The following IGF1R variants were observed in gnomAD, a reference collection of about 807,000 sequenced individuals.
IGF1R encodes insulin like growth factor 1 receptor, also known as insulin-like growth factor 1 receptor.
IGF1R carries 44 observed loss-of-function variants against 144.6 expected under a neutral mutation model. The ratio of observed to expected loss-of-function variants is 0.30; its 90% CI spans 0.24 to 0.39. IGF1R has a LOEUF of 0.39. Among genes scored for constraint, IGF1R ranks in the 10% least tolerant of loss-of-function variants. The pLI is 1.00. For missense variants in IGF1R, 1,355 were observed against 1,833.7 expected (o/e 0.74, Z 4.77); for synonymous variants, 795 against 722.8 (o/e 1.10, Z -1.60).
Position 98,922,370 on chromosome 15 carries a change from C to T in IGF1R, c.2424C>T (p.His808=), listed in dbSNP as rs749095815. The T allele has an allele frequency of 2.8e-5, 45 of 1,614,050 alleles. No homozygotes were observed. Among genetic ancestry groups the T allele is most frequent in the African/African-American group, 4.0e-5 (3 of 74,942 alleles). Residue 808 remains histidine, a synonymous_variant, in exon 11 of 21, where the codon CAC becomes CAT. Transcript: ENST00000650285. ...LYRIDIHSCN[H]EAEKLGCSAS... is the part of the protein sequence containing the mutation. ...GCATCGATATCCACAGCTGCAACCA[C>T]GAGGCTGAGAAGCTGGGCTGCAGCG...
At chr15:98,732,478 C>T (rs1308799736) in intron 2 of IGF1R, among the ~76,000 whole-genome samples, 1 of 152,136 alleles carries the variant, frequency 6.6e-6, no homozygotes, top group Non-Finnish European at 1.5e-5. Flanking sequence ...TCTGTGTTTC[C>T]TGAAGGGTCT....
At position 98,896,917 on chromosome 15, in the gene IGF1R, A is replaced by T. The variant is rs376068692; in HGVS notation, c.1102+12A>T. The T allele has an allele frequency of 6.2e-7, 1 of 1,613,536 alleles. No individual in the cohort carries two copies. Among genetic ancestry groups the T allele is most frequent in the South Asian group, 1.1e-5 (1 of 91,076 alleles). On this transcript the variant is annotated intron_variant, in intron 4 of 20. Coordinates refer to ENST00000650285, the MANE Select transcript of IGF1R (RefSeq NM_000875.5). ...CATCCGACGGGGGAGTAAGTATTCC[A>T]TCCCCCTGGAAAAACGGCTAGATCT... is the stretch of plus-strand genomic sequence containing the variant.
chr15:98,863,656 G>A (rs1052441467), intron 2 of IGF1R, among the ~76,000 whole-genome samples: 5 of 152,216 alleles, frequency 3.3e-5, no homozygotes, highest in African/African-American at 1.2e-4. Flanking sequence ...AGAAGCTTAA[G>A]AAATCCCACA....
At chr15:98,763,166 A>G (rs1252879179) in intron 2 of IGF1R, among the ~76,000 whole-genome samples, 3 of 152,254 alleles carry the variant, frequency 2.0e-5, no homozygotes, top group African/African-American at 7.2e-5. Flanking sequence ...ACTTTGAGAG[A>G]AAATTAAAAC....
At chr15:98,716,921 A>G (rs1458233273) in intron 2 of IGF1R, among the ~76,000 whole-genome samples, 1 of 152,124 alleles carries the variant, frequency 6.6e-6, no homozygotes, top group Non-Finnish European at 1.5e-5. Flanking sequence ...TGTTCCTTAC[A>G]ATATTGTGGA....
chr15:98,733,256 C>T (rs1447743553), intron 2 of IGF1R, among the ~76,000 whole-genome samples: 3 of 152,118 alleles, frequency 2.0e-5, no homozygotes, highest in Non-Finnish European at 2.9e-5. Flanking sequence ...CTCTGTTGCC[C>T]AGGCTGGAGT....
At chr15:98,878,677 AAAAAAAAAAAAAAAAAAAC>A (rs2013192262) in intron 2 of IGF1R, among the ~76,000 whole-genome samples, 1 of 93,350 alleles carries the variant, frequency 1.1e-5, no homozygotes, top group African/African-American at 3.1e-5. Context: ...AAAAAAAAAA[AAAAAAAAAAAAAAAAAAAC>A]AACAACAAAA....
chr15:98,895,037 A>T (rs2151649330), intron 3 of IGF1R, among the ~76,000 whole-genome samples: 1 of 147,726 alleles, frequency 6.8e-6, no homozygotes, highest in South Asian at 2.2e-4. Context: ...AAAAAAAAAG[A>T]CAGATTGTAG....
chr15:98,827,714 C>T (rs905897658), intron 2 of IGF1R, among the ~76,000 whole-genome samples: 1 of 152,156 alleles, frequency 6.6e-6, no homozygotes, highest in African/African-American at 2.4e-5. Flanking sequence ...TCCTGAGTAG[C>T]TGGGATTACA....
At chr15:98,766,119 G>A (rs1014704898) in intron 2 of IGF1R, among the ~76,000 whole-genome samples, 1 of 152,192 alleles carries the variant, frequency 6.6e-6, no homozygotes, top group Non-Finnish European at 1.5e-5. Context: ...AGGCAGGTAC[G>A]GAGCAGTTCA....
chr15:98,803,184 A>G lies in IGF1R; in HGVS notation c.641-88141A>G, dbSNP rs8043155. Among the ~76,000 whole-genome samples the G allele has an allele frequency of 9.6e-3, 1,462 of 152,324 alleles. 30 individuals carry two copies. The highest frequency in any genetic ancestry group is 0.033 in the African/African-American group (1,370 of 41,568). ...GTACTTTCACAAACTTAGTTGATAC[A>G]GCCTACTACACACCTAGGGTCCATG... On this transcript the variant is annotated intron_variant, in intron 2 of 20. Coordinates refer to ENST00000650285, the MANE Select transcript of IGF1R (RefSeq NM_000875.5).
chr15:98,935,087 C>T lies in IGF1R; in HGVS notation c.3186+34C>T. ...AAGTTCCTGAAAAGCCAAAATGCAG[C>T]ACAGGGAGAGGGTATCACACAAGCC... On this transcript the variant is annotated intron_variant, in intron 16 of 20. Transcript: ENST00000650285. This position sits in a 1 kb window ranked among gnomAD's most constrained non-coding sequence, Gnocchi z 4.2. 1 of 1,519,906 alleles carries T rather than the reference C, an allele frequency of 6.6e-7. No individual in the cohort carries two copies. Among genetic ancestry groups the T allele is most frequent in the East Asian group, 2.3e-5 (1 of 44,426 alleles). 94.2% of individuals were successfully genotyped at this position (1,519,906 alleles called of 1,614,324 possible).
intron 2 of IGF1R, among the ~76,000 whole-genome samples, chr15:98,865,224 G>A (rs2012365794): frequency 6.6e-6 from 1 of 152,210 alleles, no homozygotes; most frequent in Non-Finnish European, 1.5e-5. Flanking sequence ...TTTTGTGTTT[G>A]CAGTTTCCAG....
intron 2 of IGF1R, among the ~76,000 whole-genome samples, chr15:98,717,712 A>C (rs570714391): frequency 6.6e-6 from 1 of 152,348 alleles, no homozygotes; most frequent in South Asian, 2.1e-4. Context: ...CATTTAAGAA[A>C]TATCCATAGA....
intron 4 of IGF1R, 105 bp from the exon 5 acceptor site, chr15:98,899,370 CAG>C (rs1473291810): frequency 6.1e-6 from 7 of 1,146,206 alleles, no homozygotes; most frequent in South Asian, 2.5e-5. Flanking sequence ...GGGAGCATCT[CAG>C]GGGGCACCTG....
At chr15:98,862,297 C>T (rs1443926491) in intron 2 of IGF1R, among the ~76,000 whole-genome samples, 1 of 152,234 alleles carries the variant, frequency 6.6e-6, no homozygotes, top group Non-Finnish European at 1.5e-5. Context: ...GGAGTTGTCA[C>T]AAGGATCCAG....
chr15:98,665,560 G>A (rs954659315), intron 1 of IGF1R, among the ~76,000 whole-genome samples: 1 of 152,212 alleles, frequency 6.6e-6, no homozygotes. Flanking sequence ...CATGAGGGAT[G>A]TGAGTGGGAC....
chr15:98,872,033 C>G (rs1227434518), intron 2 of IGF1R, among the ~76,000 whole-genome samples: 2 of 152,212 alleles, frequency 1.3e-5, no homozygotes, highest in Non-Finnish European at 2.9e-5. Context: ...CAGCCCCCAC[C>G]CTACCTCCAC....
At chr15:98,929,236 A>C (rs563787726) in intron 13 of IGF1R, among the ~76,000 whole-genome samples, 4 of 152,230 alleles carry the variant, frequency 2.6e-5, no homozygotes, top group African/African-American at 9.6e-5. Context: ...TGTCAAATGT[A>C]TGCATTTTCA....
Sources: gnomAD v4.1 joint callset for allele counts (sites outside exome capture counted in the v4.1 genomes callset) on GRCh38, gnomAD v4.1.1 for gene constraint, Gnocchi (gnomAD v3.1) non-coding constraint, MANE v1.5 for transcripts, NCBI Gene and HGNC (gene_info 2026-07-23, HGNC 2026-07-21) for gene names.